Variants in CCSER1 observed in about 807,000 individuals in gnomAD.
CCSER1 encodes the protein serine-rich coiled-coil domain-containing protein 1.
Under a neutral mutation model 82.0 loss-of-function variants are expected in CCSER1, and 41 were observed. The ratio of observed to expected loss-of-function variants is 0.50; its 90% CI spans 0.39 to 0.65. The LOEUF (loss-of-function observed/expected upper bound fraction) is 0.65. Among genes scored for constraint, CCSER1 ranks in the 30% least tolerant of loss-of-function variants. CCSER1 has a pLI of 0.00. For synonymous variants in CCSER1, 414 were observed against 383.9 expected (o/e 1.08, Z -0.92); for missense variants, 1,119 against 1,064.2 (o/e 1.05, Z -0.72).
intron 10 of CCSER1, among the ~76,000 whole-genome samples, chr4:91,341,990 C>A (rs1747752364): frequency 2.0e-5 from 3 of 152,042 alleles, no homozygotes; most frequent in Non-Finnish European, 4.4e-5. Context: ...TAGGAAAGGG[C>A]ACAGAGTAAG....
intron 8 of CCSER1, among the ~76,000 whole-genome samples, chr4:90,871,704 C>G (rs1462771079): frequency 6.6e-6 from 1 of 151,756 alleles, no homozygotes; most frequent in Non-Finnish European, 1.5e-5. Flanking sequence ...CAGATTAAGT[C>G]TGATGTTTCT....
At chr4:90,147,204 G>T (rs898975064) in intron 1 of CCSER1, among the ~76,000 whole-genome samples, 2 of 151,696 alleles carry the variant, frequency 1.3e-5, no homozygotes, top group Non-Finnish European at 2.9e-5. Flanking sequence ...CTTTCTGTGT[G>T]TAAGACACTT....
At chr4:91,368,459 T>C (rs1482726667) in intron 10 of CCSER1, among the ~76,000 whole-genome samples, 3 of 152,164 alleles carry the variant, frequency 2.0e-5, no homozygotes, top group African/African-American at 7.2e-5. Flanking sequence ...AGCTGAATAT[T>C]GTTTCTGTAA....
chr4:90,457,194 C>A (rs1415836738), intron 4 of CCSER1, among the ~76,000 whole-genome samples: 1 of 152,140 alleles, frequency 6.6e-6, no homozygotes, highest in African/African-American at 2.4e-5. Flanking sequence ...CTGCAGGCAC[C>A]AGGGAACACT....
At chr4:91,357,876 G>GA (rs1748954740) in intron 10 of CCSER1, among the ~76,000 whole-genome samples, 1 of 60,096 alleles carries the variant, frequency 1.7e-5, no homozygotes, top group Non-Finnish European at 3.7e-5. Flanking sequence ...AATTCTGCCT[G>GA]CCCCCCCCCC....
At chr4:90,338,181 A>C (rs1740755345) in intron 3 of CCSER1, among the ~76,000 whole-genome samples, 1 of 152,046 alleles carries the variant, frequency 6.6e-6, no homozygotes, top group African/African-American at 2.4e-5. Flanking sequence ...CTCACCTCCC[A>C]CTATCTTCAT....
intron 10 of CCSER1, among the ~76,000 whole-genome samples, chr4:91,179,427 T>C (rs1237617036): frequency 1.3e-5 from 2 of 152,244 alleles, no homozygotes; most frequent in African/African-American, 2.4e-5. Context: ...TCCCCGCCAC[T>C]TTCAGGTACA....
chr4:90,441,965 TAGTCCTGTGGGATGGCACACATTTC>T (rs1464755679), intron 4 of CCSER1, among the ~76,000 whole-genome samples: 1 of 152,222 alleles, frequency 6.6e-6, no homozygotes, highest in Non-Finnish European at 1.5e-5. Flanking sequence ...ATTTACTTGT[TAGTCCTGTGGGATGGCACACATTTC>T]AGTCCTGTGG....
At chr4:91,218,528 C>T (rs1737483162) in intron 10 of CCSER1, among the ~76,000 whole-genome samples, 2 of 152,176 alleles carry the variant, frequency 1.3e-5, no homozygotes, top group Admixed American at 6.5e-5. Context: ...CATGCTGTCA[C>T]CTCTCAGTAT....
In CCSER1 at chr4:90,274,395, T is replaced by A. The variant is rs1450732949; in HGVS notation, c.-41-33849T>A. Among the ~76,000 whole-genome samples the A allele has an allele frequency of 2.6e-5, 4 of 152,194 alleles. No individual in the cohort carries two copies. In the East Asian group the frequency reaches 5.8e-4, roughly 22 times the overall value. The stretch of plus-strand genomic sequence containing the variant: ...AATAACATTTTACATGCTGTGTGTG[T>A]CTTTTCTTATCACTTTGTCATTTTG... On this transcript the variant is annotated intron_variant, in intron 1 of 10. Transcript: ENST00000509176.
chr4:91,090,975 G>A (rs765931627), intron 10 of CCSER1, among the ~76,000 whole-genome samples: 3 of 152,072 alleles, frequency 2.0e-5, no homozygotes, highest in Non-Finnish European at 2.9e-5. Flanking sequence ...CATGCAGGAG[G>A]GGCTTCCTTT....
chr4:90,424,180 A>AT (rs1757192516), intron 4 of CCSER1, among the ~76,000 whole-genome samples: 1 of 121,192 alleles, frequency 8.3e-6, no homozygotes, highest in African/African-American at 6.6e-5. Flanking sequence ...TTGATTAGCA[A>AT]CTTTTTTTTC....
rs1315214991 is a variant in CCSER1, at chr4:91,601,498, T to A, written c.*2441T>A. The A allele has an allele frequency of 6.6e-6, 1 of 152,048 alleles. No individual in the cohort carries two copies. The highest frequency in any genetic ancestry group is 1.5e-5 in the Non-Finnish European group (1 of 67,956). 9.4% of individuals were successfully genotyped at this position (152,048 alleles called of 1,614,324 possible). A position where few individuals can be genotyped will look rare whatever the true frequency, so the allele number is the denominator to read the frequency against. On this transcript the variant is annotated 3_prime_UTR_variant, in exon 11 of 11. Transcript: ENST00000509176. ...TCAGTAACTGTAAAACAGGGGTTCT[T>A]TGTAAGTTCCTCTTGTGTATATATA...
At chr4:90,618,678 G>A (rs1721752091) in intron 5 of CCSER1, among the ~76,000 whole-genome samples, 1 of 151,844 alleles carries the variant, frequency 6.6e-6, no homozygotes, top group African/African-American at 2.4e-5. Flanking sequence ...TGATATTAAA[G>A]GGAAGGGAAG....
chr4:91,094,492 A>G (rs1006475479), intron 10 of CCSER1, among the ~76,000 whole-genome samples: 6 of 152,194 alleles, frequency 3.9e-5, no homozygotes, highest in African/African-American at 1.2e-4. Flanking sequence ...AGTCCTGTAC[A>G]GTTCGATAGT....
At chr4:90,440,802 T>G (rs893999516) in intron 4 of CCSER1, among the ~76,000 whole-genome samples, 1 of 152,356 alleles carries the variant, frequency 6.6e-6, no homozygotes, top group Admixed American at 6.5e-5. Flanking sequence ...AATATCTTTC[T>G]ATTCTGTCTG....
chr4:90,775,477 A>G (rs1752777989), intron 7 of CCSER1, among the ~76,000 whole-genome samples: 1 of 152,200 alleles, frequency 6.6e-6, no homozygotes, highest in African/African-American at 2.4e-5. Context: ...ACAAATGTGA[A>G]TAGTAAGAAA....
chr4:91,474,471 C>G (rs1053301689), intron 10 of CCSER1, among the ~76,000 whole-genome samples: 1 of 151,130 alleles, frequency 6.6e-6, no homozygotes, highest in African/African-American at 2.4e-5. Flanking sequence ...CTTTTTAATT[C>G]AAATCATTCT....
chr4:91,129,220 C>T (rs1727787374), intron 10 of CCSER1, among the ~76,000 whole-genome samples: 1 of 152,002 alleles, frequency 6.6e-6, no homozygotes, highest in Non-Finnish European at 1.5e-5. Context: ...GCTGAGGATA[C>T]TGGCACCTGT....
Sources: allele counts gnomAD v4.1 joint callset (sites outside exome capture counted in the v4.1 genomes callset), GRCh38; gene constraint gnomAD v4.1.1; transcripts MANE v1.5; gene names NCBI Gene and HGNC (gene_info 2026-07-23, HGNC 2026-07-21).